KDM5A: variants seen among roughly 807,000 people sequenced by gnomAD.
KDM5A encodes the protein lysine-specific demethylase 5A.
A neutral mutation model predicts 193.5 loss-of-function variants in KDM5A; 42 were observed. The observed-to-expected ratio is 0.22, with a 90% confidence interval of 0.17 to 0.28. The LOEUF (loss-of-function observed/expected upper bound fraction) is 0.28, where lower values mean the gene tolerates loss of function less well. Among genes scored for constraint, KDM5A ranks in the 10% least tolerant of loss-of-function variants. The pLI is 1.00. For missense variants in KDM5A, 1,692 were observed against 2,055.1 expected, an observed-to-expected ratio of 0.82 and a Z score of 3.42; for synonymous variants, 796 against 718.1, an observed-to-expected ratio of 1.11 and a Z score of -1.73.
At chr12:372,783 T>C (rs1265868181) in intron 3 of KDM5A, among the ~76,000 whole-genome samples, 1 of 152,224 alleles carries the variant, frequency 6.6e-6, no homozygotes, top group Admixed American at 6.5e-5. Context: ...CCTAATTTAT[T>C]GAGAGTTTTT....
intron 27 of KDM5A, among the ~76,000 whole-genome samples, chr12:287,473 T>C (rs1219058319): frequency 1.3e-5 from 2 of 149,978 alleles, no homozygotes; most frequent in Non-Finnish European, 3.0e-5. Flanking sequence ...AAAATGTTCC[T>C]ATTGTAGCAA....
chr12:295,920 A>G (rs947085656), intron 25 of KDM5A, 127 bp from the exon 26 acceptor site: 17 of 771,414 alleles, frequency 2.2e-5, no homozygotes, highest in Non-Finnish European at 3.1e-5. Flanking sequence ...TGGATTCATT[A>G]TATCAGTATG....
chr12:355,903 T>C (rs893987484), intron 6 of KDM5A, among the ~76,000 whole-genome samples: 4 of 152,214 alleles, frequency 2.6e-5, no homozygotes, highest in Non-Finnish European at 4.4e-5. Context: ...GAGAGAACAG[T>C]GGAACTTGAT....
intron 20 of KDM5A, 122 bp downstream of exon 20, chr12:312,934 T>A: frequency 8.9e-7 from 1 of 1,126,078 alleles, no homozygotes; most frequent in Non-Finnish European, 1.3e-6. Context: ...AAATCACAAA[T>A]CGATCTAAGT....
chr12:292,673 CAT>C, intron 27 of KDM5A, 84 bp downstream of exon 27: 1 of 1,552,616 alleles, frequency 6.4e-7, no homozygotes, highest in Non-Finnish European at 8.9e-7. Flanking sequence ...GAACCAAAAA[CAT>C]ACTACACATT....
At chr12:360,341 G>C (rs1176904288) in intron 5 of KDM5A, among the ~76,000 whole-genome samples, 2 of 151,996 alleles carry the variant, frequency 1.3e-5, no homozygotes, top group African/African-American at 4.8e-5. Flanking sequence ...ATGCAGATGA[G>C]ACAGCTAAGG....
chr12:369,492 G>T (rs189242521), intron 3 of KDM5A, among the ~76,000 whole-genome samples: 3 of 152,058 alleles, frequency 2.0e-5, no homozygotes. Context: ...ATTTTGAAGG[G>T]ATAAATATTG....
chr12:381,024 C>T (rs546645965), intron 3 of KDM5A, among the ~76,000 whole-genome samples: 10 of 151,698 alleles, frequency 6.6e-5, no homozygotes, highest in African/African-American at 1.7e-4. Flanking sequence ...GGAGTTGTGC[C>T]GCTCTTATTG....
rs1252182244 is a variant in KDM5A, at chr12:293,021, T to A, written c.4604A>T (p.Lys1535Met). The A allele has an allele frequency of 6.3e-7, 1 of 1,588,216 alleles. No homozygotes were observed. Among genetic ancestry groups the A allele is most frequent in the East Asian group, 2.2e-5 (1 of 44,804 alleles). ...KELKKMDKPRKKKLKLGADKS... is the reference protein window; with the variant it reads ...KELKKMDKPRMKKLKLGADKS... ...GTCTGCACCTAATTTTAATTTCTTC[T>A]TTCTAGGTTTGTCCATTTTCTTTAA... Residue 1535 changes from lysine to methionine, a missense_variant, in exon 27 of 28, where the codon AAG becomes ATG. By Grantham distance (95) the Lys-to-Met change is moderately conservative. Coordinates refer to ENST00000399788, the MANE Select transcript of KDM5A (RefSeq NM_001042603.3).
intron 10 of KDM5A, among the ~76,000 whole-genome samples, chr12:337,159 G>T (rs1028814013): frequency 2.6e-5 from 4 of 152,194 alleles, no homozygotes; most frequent in African/African-American, 9.7e-5. Flanking sequence ...CTCTGGCCAT[G>T]TAAGACGTGC....
At chr12:328,579 G>A (rs990712174) in intron 14 of KDM5A, among the ~76,000 whole-genome samples, 6 of 152,098 alleles carry the variant, frequency 3.9e-5, no homozygotes, top group African/African-American at 1.4e-4. Flanking sequence ...ACTGTATGTA[G>A]AAGATTTAAA....
At chr12:365,283 G>A (rs888553588) in intron 4 of KDM5A, among the ~76,000 whole-genome samples, 1 of 152,072 alleles carries the variant, frequency 6.6e-6, no homozygotes. Context: ...CAAACTTCTG[G>A]CCTCAAACGA....
chr12:371,475 A>ATTTG (rs201946814), intron 3 of KDM5A, among the ~76,000 whole-genome samples: 106,483 of 151,404 alleles, frequency 0.7, 37,610 homozygotes, highest in Middle Eastern at 0.78. Flanking sequence ...TTTCTCGTAA[A>ATTTG]TTTGAGTTCT....
At chr12:330,513 G>A (rs960708602) in intron 13 of KDM5A, among the ~76,000 whole-genome samples, 5 of 152,094 alleles carry the variant, frequency 3.3e-5, no homozygotes, top group African/African-American at 1.2e-4. Context: ...ACCAATAACA[G>A]AGAGAATGGG....
chr12:337,525 G>C (rs1365347899), intron 10 of KDM5A, among the ~76,000 whole-genome samples: 1 of 152,104 alleles, frequency 6.6e-6, no homozygotes, highest in Non-Finnish European at 1.5e-5. Flanking sequence ...TAGAAAAAAA[G>C]ATGAGATCTT....
chr12:365,273 C>CA (rs1421548333), intron 4 of KDM5A, among the ~76,000 whole-genome samples: 1 of 152,176 alleles, frequency 6.6e-6, no homozygotes, highest in Non-Finnish European at 1.5e-5. Context: ...AGGCTGGTCT[C>CA]AAACTTCTGG....
chr12:353,956 CTACATAATGAA>C (rs943425964), intron 8 of KDM5A, 109 bp downstream of exon 8: 2 of 722,150 alleles, frequency 2.8e-6, no homozygotes, highest in African/African-American at 3.7e-5. Flanking sequence ...ATTTTAAACA[CTACATAATGAA>C]GACAGAATGA....
chr12:364,469 T>C (rs1591933409), intron 4 of KDM5A, among the ~76,000 whole-genome samples: 3 of 104,244 alleles, frequency 2.9e-5, no homozygotes, highest in African/African-American at 7.7e-5. Context: ...ACAGCAAGAT[T>C]CCACCTCAAA....
intron 17 of KDM5A, among the ~76,000 whole-genome samples, chr12:321,970 A>C (rs1943723150): frequency 6.6e-6 from 1 of 152,230 alleles, no homozygotes; most frequent in Non-Finnish European, 1.5e-5. Flanking sequence ...TAAAATAAGT[A>C]GATTAGTGTA....
Sources: allele counts gnomAD v4.1 joint callset (sites outside exome capture counted in the v4.1 genomes callset), GRCh38; gene constraint gnomAD v4.1.1; transcripts MANE v1.5; gene names NCBI Gene and HGNC (gene_info 2026-07-23, HGNC 2026-07-21).